Variants in SOCS7 observed in about 807,000 individuals in gnomAD.
SOCS7 encodes the protein suppressor of cytokine signaling 7.
In SOCS7, 18 loss-of-function variants were observed where a neutral mutation model predicts 58.9. The observed-to-expected ratio is 0.31, with a 90% CI of 0.21 to 0.45. SOCS7 has a LOEUF of 0.45. Among genes scored for constraint, SOCS7 ranks in the 20% least tolerant of loss-of-function variants. The pLI is 1.00. For missense variants in SOCS7, 667 were observed against 837.3 expected, an observed-to-expected ratio of 0.80 and a Z score of 2.51; for synonymous variants, 388 against 364.3, an observed-to-expected ratio of 1.06 and a Z score of -0.74.
Position 38,352,344 on chromosome 17 carries a change from G to T in SOCS7, c.292G>T (p.Ala98Ser). Reference sequence around the variant, plus strand: ...ACTGCTGTGTCCCCGGCACCGCTGTGCCCTGGACCCCAAGGCCCTGCCGCC... The same window carrying T: ...ACTGCTGTGTCCCCGGCACCGCTGTTCCCTGGACCCCAAGGCCCTGCCGCC... The part of the protein sequence containing the change: ...SELLCPRHRC[A>S]LDPKALPPGL... The change falls in exon 1 of 10, where the codon GCC becomes TCC. Residue 98 changes from alanine to serine, a missense_variant. Physicochemically the swap from Ala to Ser is moderately conservative, Grantham distance 99. This residue lies in a region of SOCS7 where 154 missense variants were observed against 156.3 expected (regional missense o/e 0.98). Coordinates refer to ENST00000612932, the MANE Select transcript of SOCS7 (RefSeq NM_014598.4). This position sits in a 1 kb window ranked among gnomAD's most constrained non-coding sequence, Gnocchi z 5.5. 6.8e-7 allele frequency: 1 copy of T among 1,476,072 alleles called. No homozygotes were observed. Among genetic ancestry groups the T allele is most frequent in the Non-Finnish European group, 8.9e-7 (1 of 1,125,432 alleles). The allele number at this position is 1,476,072 out of a possible 1,614,324, so 91.4% of individuals were successfully genotyped here.
intron 7 of SOCS7, among the ~76,000 whole-genome samples, chr17:38,387,204 G>A (rs2038086728): frequency 7.2e-6 from 1 of 139,764 alleles, no homozygotes; most frequent in South Asian, 2.2e-4. Flanking sequence ...AGCATTTTGG[G>A]AGGCCGAGGC....
intron 4 of SOCS7, 181 bp from the exon 5 acceptor site, chr17:38,366,106 C>T: frequency 1.6e-6 from 2 of 1,249,084 alleles, no homozygotes; most frequent in Non-Finnish European, 2.1e-6. Flanking sequence ...TTACACAAGC[C>T]CACACAGCTT....
At position 38,395,955 on chromosome 17, in the gene SOCS7, A is replaced by C. The variant is rs1402305753; in HGVS notation, c.1925A>C (p.Glu642Ala). 1 of 1,608,186 alleles carries C rather than the reference A, an allele frequency of 6.2e-7. No individual in the cohort carries two copies. Among genetic ancestry groups the C allele is most frequent in the South Asian group, 1.1e-5 (1 of 89,812 alleles). The change falls in exon 9 of 10, where the codon GAA becomes GCA. Residue 642 changes from glutamate (E) to alanine (A), a missense_variant. Transcript: ENST00000612932. ...QLISKQKQEV[E>A]PST is the part of the protein sequence containing the mutation. The stretch of plus-strand genomic sequence containing the variant: ...ATTTCCAAACAGAAGCAAGAGGTGG[A>C]ACCCTCCACGTAGCGAGGGGCTCCC...
chr17:38,368,127 A>C (rs1181230406), intron 6 of SOCS7, 77 bp downstream of exon 6: 1 of 1,333,224 alleles, frequency 7.5e-7, no homozygotes, highest in East Asian at 2.4e-5. Context: ...TTTGTGGAAG[A>C]GATTCATAGG....
chr17:38,368,818 C>T (rs916080321), intron 6 of SOCS7, among the ~76,000 whole-genome samples: 1 of 152,170 alleles, frequency 6.6e-6, no homozygotes, highest in African/African-American at 2.4e-5. Context: ...CACTTTCTCC[C>T]AGGCAGCATG....
At chr17:38,353,336 C>CT (rs2037588089) in intron 1 of SOCS7, among the ~76,000 whole-genome samples, 1 of 152,210 alleles carries the variant, frequency 6.6e-6, no homozygotes. Context: ...TCCAAGGCGG[C>CT]TGTGTGCCAT....
rs1480638186 is a variant in SOCS7 at position 38,352,517 on chromosome 17, T to C, written c.465T>C (p.Pro155=). ...CPCPCPPQPP[P]PQPQPPAAAP... Reference sequence around the variant, plus strand: ...GTCCGTGTCCTCCTCAGCCGCCCCCTCCGCAGCCCCAGCCGCCTGCTGCCG... The same window carrying C: ...GTCCGTGTCCTCCTCAGCCGCCCCCCCCGCAGCCCCAGCCGCCTGCTGCCG... Residue 155 remains proline, a synonymous_variant, in exon 1 of 10, where the codon CCT becomes CCC. Transcript: ENST00000612932. The surrounding 1 kb of genome is among the most constrained non-coding windows in gnomAD (Gnocchi z 5.5). 17 of 1,545,606 alleles carry C rather than the reference T, an allele frequency of 1.1e-5. No homozygotes were observed. The highest frequency in any genetic ancestry group is 1.5e-5 in the Non-Finnish European group (17 of 1,144,684).
chr17:38,353,738 A>G (rs1352993762), intron 1 of SOCS7, among the ~76,000 whole-genome samples: 1 of 152,122 alleles, frequency 6.6e-6, no homozygotes, highest in Non-Finnish European at 1.5e-5. Flanking sequence ...CCCCATCTCT[A>G]CAAAACAAAC....
intron 3 of SOCS7, 89 bp from the exon 4 acceptor site, chr17:38,365,219 C>G (rs1044068882): frequency 1.0e-6 from 1 of 954,760 alleles, no homozygotes; most frequent in South Asian, 1.6e-5. Context: ...CAGAGGGCAG[C>G]CTGATAGTCC....
intron 1 of SOCS7, 54 bp downstream of exon 1, chr17:38,353,086 T>A (rs2037582434): frequency 7.0e-7 from 1 of 1,431,984 alleles, no homozygotes. Context: ...TTGGTTTCCC[T>A]TTTTATCTAT....
At chr17:38,366,056 C>G (rs1436098512) in intron 4 of SOCS7, 1 of 1,312,436 alleles carries the variant, frequency 7.6e-7, no homozygotes, top group Non-Finnish European at 9.8e-7. Flanking sequence ...CTCCCCTCCC[C>G]CTTTCTTGGG....
intron 1 of SOCS7, among the ~76,000 whole-genome samples, chr17:38,360,542 T>C (rs1046096687): frequency 6.6e-6 from 1 of 151,574 alleles, no homozygotes; most frequent in African/African-American, 2.4e-5. Flanking sequence ...TTTTTTATTT[T>C]ATTTTACTTT....
chr17:38,352,704 C>A lies in SOCS7; in HGVS notation c.652C>A (p.Pro218Thr), dbSNP rs766184587. ...GGGGGRLLLQ[P>T]PGPELPPVPF... Reference sequence around the variant, plus strand: ...AGGGGGCGGCCGGCTTCTGCTGCAGCCCCCAGGCCCTGAATTACCTCCGGT... The same window carrying A: ...AGGGGGCGGCCGGCTTCTGCTGCAGACCCCAGGCCCTGAATTACCTCCGGT... The change falls in exon 1 of 10, where the codon CCC becomes ACC. Residue 218 changes from proline to threonine, a missense_variant. Physicochemically the swap from Pro to Thr is conservative, Grantham distance 38. Around this residue, in one of 9 missense-constraint regions of SOCS7, gnomAD observed 208 missense variants for 190.3 expected, o/e 1.09. Transcript: ENST00000612932. The surrounding 1 kb of genome is among the most constrained non-coding windows in gnomAD (Gnocchi z 5.5). The A allele has an allele frequency of 5.2e-6, 8 of 1,549,902 alleles. No homozygotes were observed. The highest frequency in any genetic ancestry group is 2.0e-5 in the Admixed American group (1 of 50,998).
At chr17:38,366,870 T>C (rs1161109552) in intron 5 of SOCS7, among the ~76,000 whole-genome samples, 1 of 152,242 alleles carries the variant, frequency 6.6e-6, no homozygotes, top group Non-Finnish European at 1.5e-5. Flanking sequence ...GTGCTCCTGC[T>C]ATTAGTTCCA....
chr17:38,389,322 A>G (rs549515614), intron 7 of SOCS7, among the ~76,000 whole-genome samples: 14 of 152,342 alleles, frequency 9.2e-5, no homozygotes, highest in African/African-American at 3.4e-4. Flanking sequence ...TAGGGAGGCC[A>G]GGGCAGGAGG....
At chr17:38,386,828 G>A (rs2038073517) in intron 7 of SOCS7, among the ~76,000 whole-genome samples, 1 of 151,722 alleles carries the variant, frequency 6.6e-6, no homozygotes, top group African/African-American at 2.4e-5. Context: ...GCTCATGCCT[G>A]TAATCCCAGC....
chr17:38,367,147 C>G (rs1005154482), intron 5 of SOCS7, among the ~76,000 whole-genome samples: 3 of 152,112 alleles, frequency 2.0e-5, no homozygotes, highest in Non-Finnish European at 4.4e-5. Context: ...TTACTGAAAA[C>G]TCCGCCTCCT....
rs751068085 is a variant in SOCS7 at position 38,394,572 on chromosome 17, G to A, written c.1682-737G>A. ...GGGGACTCCTCTGAACGGCTTTTCT[G>A]GGTCCTCACCTTCAGGATACTGCTA... On this transcript the variant is annotated intron_variant, in intron 7 of 9. Transcript: ENST00000612932. 3.7e-4 allele frequency among the ~76,000 whole-genome samples: 57 copies of A among 152,176 alleles called. 1 individual carries two copies. The highest frequency in any genetic ancestry group is 1.8e-3 in the Admixed American group (27 of 15,278).
chr17:38,379,170 C>CA (rs908559373), intron 7 of SOCS7, among the ~76,000 whole-genome samples: 120 of 110,626 alleles, frequency 1.1e-3, no homozygotes, highest in Middle Eastern at 5.6e-3. Context: ...AAAAAAAAAA[C>CA]AAAAAAAAAC....
Sources: allele counts gnomAD v4.1 joint callset (sites outside exome capture counted in the v4.1 genomes callset), GRCh38; gene constraint gnomAD v4.1.1; regional missense constraint gnomAD v4.1.1; non-coding constraint Gnocchi (gnomAD v3.1); transcripts MANE v1.5; gene names NCBI Gene and HGNC (gene_info 2026-07-23, HGNC 2026-07-21).